CAPN3: variants seen among roughly 807,000 people sequenced by gnomAD.
CAPN3 encodes calpain 3.
CAPN3 carries 88 observed loss-of-function variants against 114.0 expected under a neutral mutation model. The observed-to-expected ratio is 0.77, with a 90% CI of 0.65 to 0.92. CAPN3 has a LOEUF of 0.92. CAPN3 is among the 40% of genes least tolerant of loss of function. The pLI is 0.00. For synonymous variants in CAPN3, 386 were observed against 382.9 expected (o/e 1.01, Z -0.09); for missense variants, 1,028 against 1,069.0 (o/e 0.96, Z 0.53).
rs80338803 is a variant in CAPN3, at chr15:42,405,931, GAAA to G, written c.1793_1795del (p.Lys598del). 3 of 1,612,100 alleles carry G rather than the reference GAAA, an allele frequency of 1.9e-6. No homozygotes were observed. Among genetic ancestry groups the G allele is most frequent in the East Asian group, 2.2e-5 (1 of 44,846 alleles). The stretch of plus-strand genomic sequence containing the variant: ...TGTTTCCTTTTCTTATGCAGAAAAA[GAAA>G]AAAACCAAGGTAGGTGTGTGGGTAG... On this transcript the variant is annotated inframe_deletion, in exon 15 of 24. Coordinates refer to ENST00000397163, the MANE Select transcript of CAPN3 (RefSeq NM_000070.3).
intron 14 of CAPN3, among the ~76,000 whole-genome samples, chr15:42,405,662 C>T (rs1013497203): frequency 5.3e-5 from 8 of 152,172 alleles, no homozygotes; most frequent in African/African-American, 1.7e-4. Context: ...GCCAGAAGAT[C>T]TTTTTCCTTG....
intron 1 of CAPN3, among the ~76,000 whole-genome samples, chr15:42,377,294 G>A (rs1488399204): frequency 6.6e-6 from 1 of 152,116 alleles, no homozygotes; most frequent in Non-Finnish European, 1.5e-5. Flanking sequence ...TATGAAGTTA[G>A]CTGTTATTAT....
chr15:42,381,534 A>G (rs142876994), intron 1 of CAPN3, among the ~76,000 whole-genome samples: 668 of 152,102 alleles, frequency 4.4e-3, no homozygotes, highest in Middle Eastern at 0.034. Flanking sequence ...ATCATCAGGT[A>G]CTTTGTTGGG....
intron 8 of CAPN3, among the ~76,000 whole-genome samples, chr15:42,395,092 A>G (rs1023687535): frequency 1.3e-5 from 2 of 152,142 alleles, no homozygotes; most frequent in African/African-American, 4.8e-5. Flanking sequence ...ACTGCTGGGT[A>G]CTTCTTAGCC....
chr15:42,394,363 G>A, intron 8 of CAPN3, 22 bp downstream of exon 8: 3 of 1,543,840 alleles, frequency 1.9e-6, no homozygotes, highest in Non-Finnish European at 2.6e-6. Flanking sequence ...GACCCCACGG[G>A]ATTGGCGGTG....
rs184817875 is a variant in CAPN3 at position 42,380,149 on chromosome 15, T to C, written c.310-4334T>C. ...CTTGCAGACAACATATAGTCGAGTC[T>C]TGTTTTTATCCACTTTCACAGCCTT... On this transcript the variant is annotated intron_variant, in intron 1 of 23. Transcript: ENST00000397163. 2.5e-3 allele frequency among the ~76,000 whole-genome samples: 381 copies of C among 152,246 alleles called. 3 individuals are homozygous for C. The highest frequency in any genetic ancestry group is 7.8e-3 in the African/African-American group (324 of 41,550).
rs759645675 is a variant in CAPN3, at chr15:42,411,696, G to C, written c.2440-51G>C. The C allele has an allele frequency of 6.1e-5, 49 of 803,510 alleles. 2 individuals carry two copies. In the African/African-American group the frequency reaches 6.7e-4, roughly 11 times the overall value. The allele number at this position is 803,510 out of a possible 1,614,324, so 49.8% of individuals were successfully genotyped here. ...CCGTAAGATTCCTAGGGCGGGGGGGGGGGGGGTCACTCTTTTCTGATCTAC... is the reference window on the plus strand; with the variant it reads ...CCGTAAGATTCCTAGGGCGGGGGGGCGGGGGGTCACTCTTTTCTGATCTAC... On this transcript the variant is annotated intron_variant, in intron 23 of 23. Coordinates refer to ENST00000397163, the MANE Select transcript of CAPN3 (RefSeq NM_000070.3).
chr15:42,397,017 A>G, intron 9 of CAPN3, 140 bp downstream of exon 9: 1 of 694,754 alleles, frequency 1.4e-6, no homozygotes, highest in Middle Eastern at 3.9e-4. Context: ...CCCAAGGCCC[A>G]GCAAGGATGA....
In CAPN3 at chr15:42,389,006, G is replaced by A; in HGVS notation, c.711G>A (p.Glu237=). Reference sequence around the variant, plus strand: ...AGGACTTCACAGGAGGGGTGGCAGAGTTTTTTGAGATCAGGGATGCTCCTA... The same window carrying A: ...AGGACTTCACAGGAGGGGTGGCAGAATTTTTTGAGATCAGGGATGCTCCTA... The part of the protein sequence containing the change: ...AMEDFTGGVA[E]FFEIRDAPSD... Residue 237 remains glutamate (E), a synonymous_variant, in exon 5 of 24, where the codon GAG becomes GAA. Coordinates refer to ENST00000397163, the MANE Select transcript of CAPN3 (RefSeq NM_000070.3). 1 of 1,614,126 alleles carries A rather than the reference G, an allele frequency of 6.2e-7. No individual in the cohort carries two copies. The highest frequency in any genetic ancestry group is 8.5e-7 in the Non-Finnish European group (1 of 1,180,006).
intron 4 of CAPN3, among the ~76,000 whole-genome samples, chr15:42,388,639 C>T (rs1001154855): frequency 4.6e-5 from 7 of 151,916 alleles, no homozygotes; most frequent in East Asian, 3.9e-4. Context: ...CCTTCCTCAA[C>T]GTTCAGGATG....
At chr15:42,406,105 A>T (rs1275464635) in intron 15 of CAPN3, among the ~76,000 whole-genome samples, 162 bp downstream of exon 15, 2 of 152,122 alleles carry the variant, frequency 1.3e-5, no homozygotes, top group Non-Finnish European at 2.9e-5. Context: ...TGCAGTAATG[A>T]CAACTACGAT....
At chr15:42,380,236 C>T (rs1207139765) in intron 1 of CAPN3, among the ~76,000 whole-genome samples, 1 of 152,080 alleles carries the variant, frequency 6.6e-6, no homozygotes, top group Non-Finnish European at 1.5e-5. Context: ...AGTTAGATTA[C>T]TACCTACATG....
At chr15:42,407,955 G>A (rs185314113) in intron 15 of CAPN3, among the ~76,000 whole-genome samples, 1 of 152,270 alleles carries the variant, frequency 6.6e-6, no homozygotes, top group East Asian at 1.9e-4. Flanking sequence ...GCTGCTTTTA[G>A]CATTCTTAGC....
chr15:42,406,005 T>A, intron 15 of CAPN3, 62 bp downstream of exon 15: 8 of 1,411,126 alleles, frequency 5.7e-6, no homozygotes, highest in Non-Finnish European at 7.0e-6. Flanking sequence ...TGCATGCATG[T>A]GAAGTGTGCA....
chr15:42,402,282 G>C, intron 12 of CAPN3, 147 bp downstream of exon 12: 1 of 1,591,656 alleles, frequency 6.3e-7, no homozygotes, highest in Non-Finnish European at 8.5e-7. Context: ...TTCCACTGCA[G>C]AGCAGGTGCC....
chr15:42,405,145 G>A lies in CAPN3; in HGVS notation c.1783-781G>A, dbSNP rs28364503. On this transcript the variant is annotated intron_variant, in intron 14 of 23. Coordinates refer to ENST00000397163, the MANE Select transcript of CAPN3 (RefSeq NM_000070.3). Reference sequence around the variant, plus strand: ...TTGCCGCAGGGATTACAGGCCCAGGGCAGCCTGCCACAGCTGGGGCTTTTA... The same window carrying A: ...TTGCCGCAGGGATTACAGGCCCAGGACAGCCTGCCACAGCTGGGGCTTTTA... Among the ~76,000 whole-genome samples the A allele has an allele frequency of 0.024, 3,687 of 152,204 alleles. 120 individuals are homozygous for A. Among genetic ancestry groups the A allele is most frequent in the African/African-American group, 0.071 (2,929 of 41,514 alleles).
chr15:42,410,666 G>A lies in CAPN3; in HGVS notation c.2263G>A (p.Gly755Arg). Residue 755 changes from glycine (G) to arginine (R), a missense_variant and splice_region_variant, in exon 21 of 24, where the codon GGA (glycine) becomes AGA (arginine). Physicochemically the swap from Gly to Arg is moderately radical, Grantham distance 125 (BLOSUM62 -2). Transcript: ENST00000397163. Reference protein sequence around the residue: ...YEMRNAVNDAGFHLNNQLYDI... With the variant: ...YEMRNAVNDARFHLNNQLYDI... ...GATGCGAAATGCAGTCAACGACGCAGGTGCTGAGAAGGAAGGGGTGGCAGG... is the reference window on the plus strand; with the variant it reads ...GATGCGAAATGCAGTCAACGACGCAAGTGCTGAGAAGGAAGGGGTGGCAGG... 6.2e-7 allele frequency: 1 copy of A among 1,613,062 alleles called. No individual in the cohort carries two copies. Among genetic ancestry groups the A allele is most frequent in the East Asian group, 2.2e-5 (1 of 44,848 alleles).
At position 42,385,576 on chromosome 15, in the gene CAPN3, T is replaced by TA. The variant is rs2053378606; in HGVS notation, c.380-590dup. The TA allele has an allele frequency of 1.7e-5, 8 of 478,188 alleles. No individual in the cohort carries two copies. The Admixed American group carries it at 1.7e-4, about 10-fold the overall frequency. The allele number at this position is 478,188 out of a possible 1,614,324, so 29.6% of individuals were successfully genotyped here. ...GAGAGAGAGAAAGAGAGCAAAGTGT[T>TA]ACCTCCAACTACATACAGTACTCTG... is the stretch of plus-strand genomic sequence containing the variant. On this transcript the variant is annotated intron_variant, in intron 2 of 23. Coordinates refer to ENST00000397163, the MANE Select transcript of CAPN3 (RefSeq NM_000070.3).
At chr15:42,375,128 A>T (rs2053055856) in intron 1 of CAPN3, among the ~76,000 whole-genome samples, 2 of 151,748 alleles carry the variant, frequency 1.3e-5, no homozygotes, top group East Asian at 3.9e-4. Context: ...TGCTGGGACT[A>T]CAGGCAAGAT....
Sources: allele counts gnomAD v4.1 joint callset (sites outside exome capture counted in the v4.1 genomes callset), GRCh38; gene constraint gnomAD v4.1.1; transcripts MANE v1.5; gene names NCBI Gene and HGNC (gene_info 2026-07-23, HGNC 2026-07-21).